The following ADCY2 variants were observed in gnomAD, a reference collection of about 807,000 sequenced individuals.
ADCY2 encodes adenylate cyclase type 2.
In ADCY2, 31 loss-of-function variants were observed where a neutral mutation model predicts 125.2. The ratio of observed to expected loss-of-function variants is 0.25; its 90% CI spans 0.19 to 0.33. ADCY2 has a LOEUF of 0.33. ADCY2 is among the 10% of genes least tolerant of loss of function. The pLI, the probability that ADCY2 is intolerant of heterozygous loss-of-function variation, is 1.00. For synonymous variants in ADCY2, 512 were observed against 548.4 expected, an observed-to-expected ratio of 0.93 and a Z score of 0.93; for missense variants, 904 against 1,418.2, an observed-to-expected ratio of 0.64 and a Z score of 5.82.
At chr5:7,421,451 C>T (rs983996643) in intron 2 of ADCY2, among the ~76,000 whole-genome samples, 1 of 152,218 alleles carries the variant, frequency 6.6e-6, no homozygotes, top group Non-Finnish European at 1.5e-5. Context: ...CACGTGGTAG[C>T]TCCTCTGTGG....
At chr5:7,685,748 A>G (rs1251810372) in intron 4 of ADCY2, among the ~76,000 whole-genome samples, 3 of 152,132 alleles carry the variant, frequency 2.0e-5, no homozygotes, top group Non-Finnish European at 4.4e-5. Flanking sequence ...GCCTGCTGCA[A>G]AGGAAGATGC....
At chr5:7,821,115 T>C (rs966003485) in intron 24 of ADCY2, among the ~76,000 whole-genome samples, 10 of 152,116 alleles carry the variant, frequency 6.6e-5, no homozygotes, top group African/African-American at 2.4e-4. Context: ...GTGGTAGGCT[T>C]CGGAGAGGTG....
intron 3 of ADCY2, among the ~76,000 whole-genome samples, chr5:7,530,490 C>T (rs1265627582): frequency 6.6e-6 from 1 of 152,114 alleles, no homozygotes; most frequent in Non-Finnish European, 1.5e-5. Flanking sequence ...AGCGATCCTC[C>T]CAGCTTGGCC....
Position 7,709,157 on chromosome 5 carries a change from A to G in ADCY2, c.1402-54A>G. The G allele has an allele frequency of 4.0e-6, 6 of 1,483,900 alleles. No homozygotes were observed. In the South Asian group the frequency reaches 8.5e-5, roughly 21 times the overall value. 91.9% of individuals were successfully genotyped at this position (1,483,900 alleles called of 1,614,324 possible). A position where few individuals can be genotyped will look rare whatever the true frequency, so the allele number is the denominator to read the frequency against. The stretch of plus-strand genomic sequence containing the variant: ...GTCCAATGAGGTCGATGCCAAAAGG[A>G]TCATGTGTGGCCCTGTGCTGTGCCA... On this transcript the variant is annotated intron_variant, in intron 9 of 24. Coordinates refer to ENST00000338316, the MANE Select transcript of ADCY2 (RefSeq NM_020546.3). The surrounding 1 kb of genome is among the most constrained non-coding windows in gnomAD (Gnocchi z 4.4).
At chr5:7,704,522 CT>C (rs1166988005) in intron 7 of ADCY2, among the ~76,000 whole-genome samples, 1 of 152,154 alleles carries the variant, frequency 6.6e-6, no homozygotes, top group East Asian at 1.9e-4. Context: ...CTCTTGCAAG[CT>C]TTAAGCAATG....
At chr5:7,763,257 A>AT (rs372460936) in intron 16 of ADCY2, among the ~76,000 whole-genome samples, 4,856 of 150,250 alleles carry the variant, frequency 0.032, 114 homozygotes, top group Non-Finnish European at 0.054. Context: ...CGCCCGGCCA[A>AT]TTTTTTGTAT....
chr5:7,437,382 G>A (rs558845633), intron 2 of ADCY2, among the ~76,000 whole-genome samples: 2 of 152,326 alleles, frequency 1.3e-5, no homozygotes, highest in South Asian at 2.1e-4. Flanking sequence ...CAGACCACAC[G>A]TGTTAACCCA....
intron 3 of ADCY2, among the ~76,000 whole-genome samples, chr5:7,535,941 A>G (rs1187437640): frequency 6.6e-6 from 1 of 152,246 alleles, no homozygotes; most frequent in African/African-American, 2.4e-5. Context: ...CAGTCAGAGA[A>G]GGTCGCCATT....
At chr5:7,481,733 C>T (rs1742738455) in intron 2 of ADCY2, among the ~76,000 whole-genome samples, 1 of 151,626 alleles carries the variant, frequency 6.6e-6, no homozygotes, top group South Asian at 2.1e-4. Flanking sequence ...CTGTATATAT[C>T]TTCTGCCATC....
At chr5:7,491,305 G>A (rs1743157090) in intron 2 of ADCY2, among the ~76,000 whole-genome samples, 1 of 151,654 alleles carries the variant, frequency 6.6e-6, no homozygotes, top group Non-Finnish European at 1.5e-5. Context: ...AGGCTGGAGT[G>A]CAATGGCACC....
At chr5:7,616,701 T>C (rs2126649108) in intron 3 of ADCY2, among the ~76,000 whole-genome samples, 1 of 152,294 alleles carries the variant, frequency 6.6e-6, no homozygotes, top group Non-Finnish European at 1.5e-5. Context: ...TGGTGATGTG[T>C]AAATAAAATG....
chr5:7,407,724 T>G (rs574686921), intron 1 of ADCY2, among the ~76,000 whole-genome samples: 12 of 152,006 alleles, frequency 7.9e-5, no homozygotes, highest in Non-Finnish European at 1.2e-4. Context: ...GAGCAGGACA[T>G]AGAGCCAGGG....
chr5:7,672,421 C>T (rs1046443672), intron 4 of ADCY2, among the ~76,000 whole-genome samples: 1 of 152,132 alleles, frequency 6.6e-6, no homozygotes, highest in African/African-American at 2.4e-5. Flanking sequence ...ATCAAACTAC[C>T]GCCTGTGGGT....
chr5:7,571,870 A>G (rs1250351644), intron 3 of ADCY2, among the ~76,000 whole-genome samples: 1 of 152,114 alleles, frequency 6.6e-6, no homozygotes, highest in African/African-American at 2.4e-5. Context: ...GCTCCTACTT[A>G]TAAGTGAGAA....
At chr5:7,741,087 A>G (rs1742392076) in intron 14 of ADCY2, among the ~76,000 whole-genome samples, 1 of 152,082 alleles carries the variant, frequency 6.6e-6, no homozygotes, top group South Asian at 2.1e-4. Flanking sequence ...ACAAATATGG[A>G]GAGTTTTTAA....
chr5:7,674,126 C>T (rs892692936), intron 4 of ADCY2, among the ~76,000 whole-genome samples: 31 of 152,166 alleles, frequency 2.0e-4, no homozygotes, highest in Admixed American at 1.8e-3. Flanking sequence ...TTGACCCCCA[C>T]TGCTCCCTCC....
chr5:7,608,707 G>T (rs868233798), intron 3 of ADCY2, among the ~76,000 whole-genome samples: 2 of 152,106 alleles, frequency 1.3e-5, no homozygotes, highest in Non-Finnish European at 2.9e-5. Flanking sequence ...AATGCCACAG[G>T]TATATTGCGT....
intron 20 of ADCY2, chr5:7,793,650 G>A (rs1744330361): frequency 6.6e-6 from 1 of 152,242 alleles, no homozygotes; most frequent in African/African-American, 2.4e-5. Flanking sequence ...GAGCAAAGCA[G>A]GAATGGGAAC....
chr5:7,690,410 A>C (rs1268595443), intron 4 of ADCY2: 3 of 239,134 alleles, frequency 1.3e-5, no homozygotes, highest in Non-Finnish European at 2.4e-5. Flanking sequence ...AAATCAAAAT[A>C]GATTTAAAAA....
Sources: gnomAD v4.1 joint callset for allele counts (sites outside exome capture counted in the v4.1 genomes callset) on GRCh38, gnomAD v4.1.1 for gene constraint, Gnocchi (gnomAD v3.1) non-coding constraint, MANE v1.5 for transcripts, NCBI Gene and HGNC (gene_info 2026-07-23, HGNC 2026-07-21) for gene names.